MAP4K4: variants seen among roughly 807,000 people sequenced by gnomAD.
MAP4K4 encodes mitogen-activated protein kinase kinase kinase kinase 4.
In MAP4K4, 38 loss-of-function variants were observed where a neutral mutation model predicts 189.6. The observed-to-expected ratio is 0.20, with a 90% CI of 0.15 to 0.26. The LOEUF is 0.26. Among genes scored for constraint, MAP4K4 ranks in the 10% least tolerant of loss-of-function variants. The pLI is 1.00. For synonymous variants in MAP4K4, 610 were observed against 624.3 expected (o/e 0.98, Z 0.34); for missense variants, 1,054 against 1,726.9 (o/e 0.61, Z 6.91).
intron 12 of MAP4K4, among the ~76,000 whole-genome samples, chr2:101,851,724 C>CTTTTTTT (rs36217584): frequency 2.1e-4 from 14 of 67,906 alleles, no homozygotes; most frequent in African/African-American, 4.2e-4. Flanking sequence ...TAACTGTCCT[C>CTTTTTTT]TTTTTTTTTT....
intron 2 of MAP4K4, among the ~76,000 whole-genome samples, chr2:101,707,921 C>G (rs1249612798): frequency 1.3e-5 from 2 of 149,386 alleles, no homozygotes; most frequent in Admixed American, 1.3e-4. Flanking sequence ...AGGATAGTCT[C>G]TTATCTCCTG....
At chr2:101,807,242 G>C (rs777698300) in intron 3 of MAP4K4, among the ~76,000 whole-genome samples, 21 of 151,692 alleles carry the variant, frequency 1.4e-4, no homozygotes, top group Non-Finnish European at 2.2e-4. Flanking sequence ...ATTTTTTTTA[G>C]AGACAGGGTC....
chr2:101,830,827 G>A (rs2096573409), intron 6 of MAP4K4, among the ~76,000 whole-genome samples: 2 of 152,140 alleles, frequency 1.3e-5, no homozygotes, highest in Admixed American at 1.3e-4. Flanking sequence ...TCCTGCACTG[G>A]CTGGCCTGTG....
At chr2:101,868,029 G>C in exon 21 of MAP4K4, 1 of 1,612,894 alleles carries the variant, frequency 6.2e-7, no homozygotes, top group Non-Finnish European at 8.5e-7. Flanking sequence ...TGTACTGAAG[G>C]GCGAAGTGGT....
chr2:101,883,671 G>A (rs1270243989), intron 28 of MAP4K4, among the ~76,000 whole-genome samples: 2 of 151,998 alleles, frequency 1.3e-5, no homozygotes, highest in East Asian at 1.9e-4. Flanking sequence ...TTAATGTTAC[G>A]GGCCTATTGA....
Position 101,769,785 on chromosome 2 carries a change from T to C in MAP4K4, c.124-20935T>C, listed in dbSNP as rs530930957. Among the ~76,000 whole-genome samples, 16 of 152,230 alleles carry C rather than the reference T, an allele frequency of 1.1e-4. 1 individual carries two copies. The South Asian group carries it at 2.5e-3, about 24-fold the overall frequency. ...TTAGTAGAGACGAGGTTTCACCATG[T>C]TGGCCAGGCTGGTCTCAAACTCCTG... On this transcript the variant is annotated intron_variant, in intron 2 of 32. Coordinates refer to ENST00000324219, the Ensembl canonical transcript of MAP4K4.
intron 2 of MAP4K4, among the ~76,000 whole-genome samples, chr2:101,707,744 G>A (rs2043132919): frequency 6.8e-6 from 1 of 148,096 alleles, no homozygotes; most frequent in Admixed American, 6.8e-5. Context: ...AGGCTGGAGT[G>A]CAGTGGTGCA....
chr2:101,837,727 G>A (rs1174798433), intron 9 of MAP4K4, among the ~76,000 whole-genome samples: 1 of 152,082 alleles, frequency 6.6e-6, no homozygotes, highest in Non-Finnish European at 1.5e-5. Flanking sequence ...TTTGTTGACA[G>A]AAGTCTATAC....
At chr2:101,698,085 C>G in exon 1 of MAP4K4, 1 of 1,325,930 alleles carries the variant, frequency 7.5e-7, no homozygotes, top group Non-Finnish European at 1.0e-6. Context: ...GGGAAAATGG[C>G]GAACGACTCC....
At chr2:101,742,221 C>T (rs950329785) in intron 2 of MAP4K4, among the ~76,000 whole-genome samples, 7 of 152,068 alleles carry the variant, frequency 4.6e-5, no homozygotes, top group East Asian at 3.9e-4. Context: ...AGAATCTGAG[C>T]GCTGAAATTT....
intron 18 of MAP4K4, among the ~76,000 whole-genome samples, chr2:101,866,193 T>C (rs2097804614): frequency 6.6e-6 from 1 of 152,240 alleles, no homozygotes; most frequent in Non-Finnish European, 1.5e-5. Flanking sequence ...ACCTGATGAT[T>C]TTAGATCTAC....
intron 2 of MAP4K4, among the ~76,000 whole-genome samples, chr2:101,713,428 A>C (rs1426851722): frequency 6.6e-6 from 1 of 150,858 alleles, no homozygotes; most frequent in African/African-American, 2.4e-5. Flanking sequence ...ACTCATCTCT[A>C]CTAAAAGTAC....
At chr2:101,822,184 A>C (rs1375096874) in intron 3 of MAP4K4, among the ~76,000 whole-genome samples, 4 of 152,254 alleles carry the variant, frequency 2.6e-5, no homozygotes, top group Non-Finnish European at 5.9e-5. Context: ...AACCACTAAC[A>C]TAGTCATTTA....
At chr2:101,871,426 T>C (rs1226591493) in intron 23 of MAP4K4, 68 bp from the exon 24 acceptor site, 4 of 1,287,350 alleles carry the variant, frequency 3.1e-6, no homozygotes, top group Non-Finnish European at 4.2e-6. Flanking sequence ...CTTAAAGCAG[T>C]TATCAATAGG....
At chr2:101,720,704 T>C (rs773545260) in intron 2 of MAP4K4, among the ~76,000 whole-genome samples, 21 of 152,222 alleles carry the variant, frequency 1.4e-4, no homozygotes, top group Admixed American at 3.3e-4. Context: ...CTTTTTATCA[T>C]TTTTCTTTGA....
At chr2:101,839,833 T>C in exon 10 of MAP4K4, 3 of 1,586,822 alleles carry the variant, frequency 1.9e-6, no homozygotes, top group Non-Finnish European at 2.6e-6. Context: ...AAGAAGTTTT[T>C]TAGTTTTATA....
At chr2:101,885,809 T>C (rs2098472211) in intron 29 of MAP4K4, among the ~76,000 whole-genome samples, 1 of 152,256 alleles carries the variant, frequency 6.6e-6, no homozygotes, top group African/African-American at 2.4e-5. Flanking sequence ...TCTGAACTAA[T>C]GTACAAATTA....
At chr2:101,876,219 A>G (rs867661185) in intron 26 of MAP4K4, among the ~76,000 whole-genome samples, 2 of 152,130 alleles carry the variant, frequency 1.3e-5, no homozygotes, top group African/African-American at 4.8e-5. Context: ...GCGTGGAATT[A>G]GGAGTTACTG....
chr2:101,771,133 G>A (rs1225839653), intron 2 of MAP4K4, among the ~76,000 whole-genome samples: 1 of 152,178 alleles, frequency 6.6e-6, no homozygotes, highest in East Asian at 1.9e-4. Context: ...ATCATACTGA[G>A]CTCTCCATGT....
Sources: allele counts gnomAD v4.1 joint callset (sites outside exome capture counted in the v4.1 genomes callset), GRCh38; gene constraint gnomAD v4.1.1; transcripts MANE v1.5; gene names NCBI Gene and HGNC (gene_info 2026-07-23, HGNC 2026-07-21).